CENPP: variants seen among roughly 807,000 people sequenced by gnomAD.
CENPP encodes centromere protein P.
Under a neutral mutation model 35.6 loss-of-function variants are expected in CENPP, and 24 were observed. That is an observed-to-expected ratio of 0.67 (90% CI 0.49 to 0.95). The LOEUF (loss-of-function observed/expected upper bound fraction) is 0.95. Among genes scored for constraint, CENPP ranks in the 40% least tolerant of loss-of-function variants. The pLI, the probability that CENPP is intolerant of heterozygous loss-of-function variation, is 0.00. For synonymous variants in CENPP, 120 were observed against 125.5 expected (o/e 0.96, Z 0.29); for missense variants, 332 against 345.3 (o/e 0.96, Z 0.31).
At chr9:92,441,859 A>T (rs1844398931) in intron 5 of CENPP, among the ~76,000 whole-genome samples, 1 of 152,184 alleles carries the variant, frequency 6.6e-6, no homozygotes, top group South Asian at 2.1e-4. Flanking sequence ...GAGTTTAAAA[A>T]TTGTGGAACA....
chr9:92,414,898 TAAG>T, intron 5 of CENPP: 1 of 306,014 alleles, frequency 3.3e-6, no homozygotes, highest in Non-Finnish European at 5.9e-6. Flanking sequence ...AAAAAGAGCA[TAAG>T]AAACCATTAA....
At chr9:92,546,518 C>T (rs1386991223) in intron 5 of CENPP, among the ~76,000 whole-genome samples, 1 of 152,096 alleles carries the variant, frequency 6.6e-6, no homozygotes, top group African/African-American at 2.4e-5. Context: ...AGACGCACCG[C>T]CTTAAGAGCT....
intron 4 of CENPP, among the ~76,000 whole-genome samples, chr9:92,371,101 C>T (rs971382433): frequency 2.1e-5 from 3 of 142,840 alleles, no homozygotes; most frequent in Non-Finnish European, 3.2e-5. Flanking sequence ...TATTTTTTGA[C>T]TATCTATTTC....
At chr9:92,448,737 T>C (rs1227764316) in intron 5 of CENPP, among the ~76,000 whole-genome samples, 2 of 152,088 alleles carry the variant, frequency 1.3e-5, no homozygotes, top group Non-Finnish European at 2.9e-5. Context: ...AAAAAGCCAG[T>C]CTACAATAGT....
At chr9:92,337,000 A>G (rs1451285559) in intron 2 of CENPP, among the ~76,000 whole-genome samples, 1 of 152,210 alleles carries the variant, frequency 6.6e-6, no homozygotes, top group Non-Finnish European at 1.5e-5. Flanking sequence ...GTACATTTCT[A>G]CTACTTACCA....
intron 1 of CENPP, among the ~76,000 whole-genome samples, chr9:92,328,116 G>A (rs1257648267): frequency 6.6e-6 from 1 of 152,096 alleles, no homozygotes; most frequent in African/African-American, 2.4e-5. Flanking sequence ...GATTGTGGGG[G>A]TGGGGTAGGA....
intron 5 of CENPP, among the ~76,000 whole-genome samples, chr9:92,427,623 G>A (rs552176722): frequency 2.6e-5 from 4 of 152,050 alleles, no homozygotes; most frequent in Admixed American, 2.6e-4. Context: ...TGGTATTACA[G>A]GCATGTGCCA....
At chr9:92,469,215 TTATAAA>T (rs151164130) in intron 5 of CENPP, among the ~76,000 whole-genome samples, 3,055 of 152,292 alleles carry the variant, frequency 0.02, 104 homozygotes, top group African/African-American at 0.069. Flanking sequence ...GAGACCTAAC[TTATAAA>T]TATATGCTCT....
At chr9:92,381,072 TTC>T (rs773962293) in intron 5 of CENPP, among the ~76,000 whole-genome samples, 7 of 152,286 alleles carry the variant, frequency 4.6e-5, no homozygotes, top group Non-Finnish European at 1.0e-4. Context: ...ACCACTGTCC[TTC>T]TCCAGAAGTT....
intron 4 of CENPP, among the ~76,000 whole-genome samples, chr9:92,355,793 C>T (rs1180743959): frequency 6.6e-6 from 1 of 152,074 alleles, no homozygotes; most frequent in Non-Finnish European, 1.5e-5. Flanking sequence ...AGCAAATGGA[C>T]CCTTGTGGAA....
At chr9:92,512,612 C>A (rs1350698818) in intron 5 of CENPP, among the ~76,000 whole-genome samples, 1 of 152,236 alleles carries the variant, frequency 6.6e-6, no homozygotes, top group Non-Finnish European at 1.5e-5. Context: ...TTGGGGAGAT[C>A]ATCTCCCAGA....
intron 4 of CENPP, among the ~76,000 whole-genome samples, chr9:92,348,349 A>G (rs374995303): frequency 5.4e-5 from 8 of 149,286 alleles, no homozygotes; most frequent in African/African-American, 2.0e-4. Flanking sequence ...TTTGATTCAG[A>G]TTTCTAACTG....
At chr9:92,558,860 T>C (rs1042465723) in intron 5 of CENPP, among the ~76,000 whole-genome samples, 9 of 152,024 alleles carry the variant, frequency 5.9e-5, no homozygotes, top group African/African-American at 1.9e-4. Flanking sequence ...GTTGTATACC[T>C]AGGAGGATTA....
chr9:92,424,767 C>T (rs753823504), intron 5 of CENPP, among the ~76,000 whole-genome samples: 8 of 152,122 alleles, frequency 5.3e-5, no homozygotes, highest in Non-Finnish European at 1.0e-4. Flanking sequence ...CTCCACCTCC[C>T]GGGTTCAAGC....
chr9:92,353,847 G>A (rs1841525441), intron 4 of CENPP, among the ~76,000 whole-genome samples: 1 of 152,154 alleles, frequency 6.6e-6, no homozygotes, highest in South Asian at 2.1e-4. Context: ...CATGAATCTT[G>A]GCTATGGAAG....
In CENPP at chr9:92,457,227, G is replaced by A. The variant is rs1488538917; in HGVS notation, c.564+77368G>A. ...TACTACCATTATTAATAGAGTTCAAGTATTCCAAATGTAGGGATTTTTGAA... is the reference window on the plus strand; with the variant it reads ...TACTACCATTATTAATAGAGTTCAAATATTCCAAATGTAGGGATTTTTGAA... On this transcript the variant is annotated intron_variant, in intron 5 of 7. Transcript: ENST00000375587. 5 of 1,574,152 alleles carry A rather than the reference G, an allele frequency of 3.2e-6. No homozygotes were observed. In the African/African-American group the frequency reaches 4.1e-5, roughly 13 times the overall value.
At chr9:92,588,997 G>T (rs1850607240) in intron 5 of CENPP, among the ~76,000 whole-genome samples, 1 of 152,050 alleles carries the variant, frequency 6.6e-6, no homozygotes, top group Non-Finnish European at 1.5e-5. Flanking sequence ...TGCTTAATAT[G>T]CAAATGTATC....
At chr9:92,568,485 T>C (rs1850053407) in intron 5 of CENPP, among the ~76,000 whole-genome samples, 1 of 152,204 alleles carries the variant, frequency 6.6e-6, no homozygotes. Flanking sequence ...CAGTCTATCA[T>C]TGATGGACAT....
At chr9:92,556,872 G>T (rs1361308703) in intron 5 of CENPP, among the ~76,000 whole-genome samples, 4 of 151,924 alleles carry the variant, frequency 2.6e-5, no homozygotes, top group African/African-American at 9.7e-5. Flanking sequence ...TACTTTGTGG[G>T]TTTTTTTGTT....
Sources: allele counts gnomAD v4.1 joint callset (sites outside exome capture counted in the v4.1 genomes callset), GRCh38; gene constraint gnomAD v4.1.1; transcripts MANE v1.5; gene names NCBI Gene and HGNC (gene_info 2026-07-23, HGNC 2026-07-21).